The following LINGO1 variants were observed in gnomAD, a reference collection of about 807,000 sequenced individuals.
LINGO1 encodes leucine-rich repeat and immunoglobulin-like domain-containing nogo receptor-interacting protein 1.
LINGO1 carries 11 observed loss-of-function variants against 37.3 expected under a neutral mutation model. The ratio of observed to expected loss-of-function variants is 0.29; its 90% CI spans 0.19 to 0.49. LINGO1 has a LOEUF of 0.49. Ranked by LOEUF, LINGO1 falls within the 20% of genes least tolerant of loss-of-function variation. The probability of loss-of-function intolerance (pLI) is 0.99; values close to 1 mark genes in which losing one functional copy is unlikely to be tolerated. For missense variants in LINGO1, 585 were observed against 878.2 expected, an observed-to-expected ratio of 0.67 and a Z score of 4.22; for synonymous variants, 387 against 403.0, an observed-to-expected ratio of 0.96 and a Z score of 0.48.
chr15:77,800,739 G>A lies in LINGO1; in HGVS notation c.-457-4686C>T, dbSNP rs549945280. Among the ~76,000 whole-genome samples the A allele has an allele frequency of 7.9e-5, 12 of 152,234 alleles. No homozygotes were observed. The South Asian group carries it at 1.7e-3, about 21-fold the overall frequency. On this transcript the variant is annotated intron_variant, in intron 1 of 5. Coordinates refer to the LINGO1 transcript ENST00000562933. ...CTGTACATAAACGTGTAAAACATCC[G>A]TACAGCAAAAGACACATAAACAAAG...
At chr15:77,664,170 T>TGTGTGCGCGCGCGCGCGC in intron 3 of LINGO1, among the ~76,000 whole-genome samples, 42 of 130,994 alleles carry the variant, frequency 3.2e-4, no homozygotes, top group African/African-American at 1.5e-3. Flanking sequence ...TGTGTGTGTG[T>TGTGTGCGCGCGCGCGCGC]GCGCGCGCGC....
Position 77,615,840 on chromosome 15 carries a change from A to G in LINGO1, c.67T>C (p.Trp23Arg). ...RSMPSPLLACWQPILLLVLGS... is the reference protein window; with the variant it reads ...RSMPSPLLACRQPILLLVLGS... ...AGCACCAGCAGGAGGATGGGCTGCCAGCAGGCCAGGAGGGGGCTGGGCATG... is the reference window on the plus strand; with the variant it reads ...AGCACCAGCAGGAGGATGGGCTGCCGGCAGGCCAGGAGGGGGCTGGGCATG... The change falls in exon 2 of 2, where the codon TGG (tryptophan) becomes CGG (arginine). Residue 23 changes from tryptophan to arginine, a missense_variant. Trp to Arg is a moderately radical substitution (Grantham distance 101). Coordinates refer to ENST00000355300, the MANE Select transcript of LINGO1 (RefSeq NM_032808.7). 6.6e-7 allele frequency: 1 copy of G among 1,510,806 alleles called. No individual in the cohort carries two copies. Among genetic ancestry groups the G allele is most frequent in the South Asian group, 1.3e-5 (1 of 77,462 alleles). 93.6% of individuals were successfully genotyped at this position (1,510,806 alleles called of 1,614,324 possible).
At chr15:77,798,106 G>T (rs1339072613) in intron 1 of LINGO1, among the ~76,000 whole-genome samples, 1 of 152,150 alleles carries the variant, frequency 6.6e-6, no homozygotes, top group African/African-American at 2.4e-5. Context: ...CTAGGCCCCT[G>T]TTGCCAGCTG....
At chr15:77,789,122 G>C (rs1195648758), upstream of LINGO1, among the ~76,000 whole-genome samples, 1 of 148,920 alleles carries the variant, frequency 6.7e-6, no homozygotes, top group Admixed American at 6.7e-5. Context: ...GAAAATCATA[G>C]CTCTAGTCGC....
chr15:77,670,949 T>A (rs907666196), intron 3 of LINGO1, among the ~76,000 whole-genome samples: 5 of 152,202 alleles, frequency 3.3e-5, no homozygotes, highest in African/African-American at 7.2e-5. Context: ...GCCCTGTCTA[T>A]CATCCCTTTG....
chr15:77,692,351 T>A (rs566720528), intron 1 of LINGO1, among the ~76,000 whole-genome samples: 6 of 152,246 alleles, frequency 3.9e-5, no homozygotes, highest in African/African-American at 1.4e-4. Flanking sequence ...AGTACTGTCA[T>A]CACAGGAAGA....
chr15:77,629,747 G>A (rs1192584779), intron 1 of LINGO1, among the ~76,000 whole-genome samples: 5 of 152,164 alleles, frequency 3.3e-5, no homozygotes, highest in Admixed American at 3.3e-4. Context: ...GATTGCTCAG[G>A]GTGTTCAAGG....
At chr15:77,728,069 A>T (rs12914069) in intron 2 of LINGO1, among the ~76,000 whole-genome samples, 17,049 of 152,212 alleles carry the variant, frequency 0.11, 1,141 homozygotes, top group African/African-American at 0.18. Context: ...AGGCCTCTTC[A>T]GAGAGCCCCA....
chr15:77,752,803 G>A (rs908897256), intron 1 of LINGO1, among the ~76,000 whole-genome samples: 4 of 152,212 alleles, frequency 2.6e-5, no homozygotes, highest in African/African-American at 9.6e-5. Flanking sequence ...GGGCACTGCA[G>A]ACCTTCCCAG....
At chr15:77,776,842 G>A (rs1209508155) in intron 1 of LINGO1, among the ~76,000 whole-genome samples, 1 of 152,166 alleles carries the variant, frequency 6.6e-6, no homozygotes, top group Non-Finnish European at 1.5e-5. Flanking sequence ...AGCCTCATTA[G>A]ACCCCATGAG....
At chr15:77,780,777 C>G (rs74025778) in intron 1 of LINGO1, among the ~76,000 whole-genome samples, 3 of 151,958 alleles carry the variant, frequency 2.0e-5, no homozygotes, top group Admixed American at 6.5e-5. Context: ...TCTCCTCCCC[C>G]CACCCCCACC....
At chr15:77,641,295 A>G (rs2074500037) in intron 3 of LINGO1, among the ~76,000 whole-genome samples, 1 of 152,180 alleles carries the variant, frequency 6.6e-6, no homozygotes, top group Non-Finnish European at 1.5e-5. Context: ...CCTGTTGGGT[A>G]GGCTGGGTCC....
intron 3 of LINGO1, among the ~76,000 whole-genome samples, chr15:77,651,069 A>G (rs1423619553): frequency 6.6e-6 from 1 of 152,126 alleles, no homozygotes; most frequent in Non-Finnish European, 1.5e-5. Context: ...CGGGAAAAAA[A>G]GTAGCTATGG....
chr15:77,792,934 G>C (rs1469484477), intron 2 of LINGO1, among the ~76,000 whole-genome samples: 2 of 152,188 alleles, frequency 1.3e-5, no homozygotes, highest in Non-Finnish European at 2.9e-5. Flanking sequence ...CAGCAGTGCT[G>C]GGGCCAACAG....
chr15:77,643,949 G>A (rs576865413), intron 3 of LINGO1, among the ~76,000 whole-genome samples: 14 of 152,160 alleles, frequency 9.2e-5, no homozygotes, highest in Non-Finnish European at 1.8e-4. Flanking sequence ...GTCCCTCCCC[G>A]CTCCGCCCTC....
upstream of LINGO1, among the ~76,000 whole-genome samples, chr15:77,699,928 A>T (rs1052688340): frequency 6.6e-6 from 1 of 152,338 alleles, no homozygotes; most frequent in Middle Eastern, 3.4e-3. Context: ...AATTCTGCCC[A>T]TTGGACCCAG....
At chr15:77,667,476 C>T (rs2075157329) in intron 3 of LINGO1, among the ~76,000 whole-genome samples, 1 of 152,134 alleles carries the variant, frequency 6.6e-6, no homozygotes, top group Non-Finnish European at 1.5e-5. Flanking sequence ...GAGGGGTGCT[C>T]TCAGGGGACT....
upstream of LINGO1, among the ~76,000 whole-genome samples, chr15:77,787,453 C>T (rs566431119): frequency 1.1e-4 from 17 of 151,434 alleles, 1 homozygote; most frequent in South Asian, 8.4e-4. Context: ...AGGGAGCCTC[C>T]GGGAAGTGTG....
intron 1 of LINGO1, among the ~76,000 whole-genome samples, chr15:77,797,056 TC>T (rs1236687274): frequency 6.6e-6 from 1 of 152,172 alleles, no homozygotes; most frequent in African/African-American, 2.4e-5. Context: ...GACCAGACCC[TC>T]CATCCTCTGT....
Sources: allele counts gnomAD v4.1 joint callset (sites outside exome capture counted in the v4.1 genomes callset), GRCh38; gene constraint gnomAD v4.1.1; transcripts MANE v1.5; gene names NCBI Gene and HGNC (gene_info 2026-07-23, HGNC 2026-07-21).